The following VPS13B variants were observed in gnomAD, a reference collection of about 807,000 sequenced individuals.
VPS13B encodes the protein vacuolar protein sorting 13 homolog B.
A neutral mutation model predicts 426.4 loss-of-function variants in VPS13B; 285 were observed. The ratio of observed to expected loss-of-function variants is 0.67; its 90% CI spans 0.61 to 0.74. The LOEUF (loss-of-function observed/expected upper bound fraction) is 0.74. Ranked by LOEUF, VPS13B falls within the 30% of genes least tolerant of loss-of-function variation. The pLI is 0.00. For missense variants in VPS13B, 4,537 were observed against 4,782.6 expected (o/e 0.95, Z 1.51); for synonymous variants, 1,676 against 1,676.4 (o/e 1.00, Z 0.01).
intron 31 of VPS13B, among the ~76,000 whole-genome samples, chr8:99,569,015 G>A (rs895590535): frequency 1.1e-4 from 16 of 151,446 alleles, no homozygotes; most frequent in African/African-American, 3.9e-4. Flanking sequence ...GTAGAGACGG[G>A]GTCTCACCAT....
chr8:99,114,145 CT>C (rs35036952), intron 6 of VPS13B, among the ~76,000 whole-genome samples: 9,376 of 146,356 alleles, frequency 0.064, 396 homozygotes, highest in African/African-American at 0.12. Context: ...TTGCAAATAT[CT>C]TTTTTTTTTT....
intron 7 of VPS13B, among the ~76,000 whole-genome samples, chr8:99,117,736 A>G (rs1273896408): frequency 6.6e-6 from 1 of 152,238 alleles, no homozygotes; most frequent in Non-Finnish European, 1.5e-5. Context: ...TGTTCATAAT[A>G]GGCAGTTCTG....
intron 58 of VPS13B, among the ~76,000 whole-genome samples, chr8:99,866,599 CG>C (rs1292586592): frequency 6.6e-6 from 1 of 152,262 alleles, no homozygotes; most frequent in African/African-American, 2.4e-5. Flanking sequence ...CCAGAGAAAA[CG>C]GAAGAGCAGA....
At chr8:99,497,681 T>C (rs1008699959) in intron 25 of VPS13B, among the ~76,000 whole-genome samples, 1 of 152,114 alleles carries the variant, frequency 6.6e-6, no homozygotes, top group Non-Finnish European at 1.5e-5. Context: ...TGACAGAGTT[T>C]GCTGTAGTAG....
At chr8:99,575,584 G>T in intron 31 of VPS13B, 74 bp from the exon 32 acceptor site, 2 of 1,580,062 alleles carry the variant, frequency 1.3e-6, no homozygotes. Context: ...GTAGTACAAA[G>T]ACTTGTACAA....
At chr8:99,842,491 T>C (rs544285266) in intron 54 of VPS13B, among the ~76,000 whole-genome samples, 1 of 151,360 alleles carries the variant, frequency 6.6e-6, no homozygotes, top group African/African-American at 2.4e-5. Flanking sequence ...GGTGCACACC[T>C]CTATTCCCAA....
chr8:99,749,957 C>T (rs980253933), intron 39 of VPS13B, among the ~76,000 whole-genome samples: 2 of 151,976 alleles, frequency 1.3e-5, no homozygotes, highest in African/African-American at 2.4e-5. Context: ...ATGAACAAAA[C>T]GTATTATACA....
At chr8:99,024,333 A>G (rs538454401) in intron 2 of VPS13B, among the ~76,000 whole-genome samples, 1 of 152,346 alleles carries the variant, frequency 6.6e-6, no homozygotes, top group Admixed American at 6.5e-5. Context: ...CTTGTGTATT[A>G]TGGATATTAA....
chr8:99,267,105 A>T (rs190905028), intron 17 of VPS13B, among the ~76,000 whole-genome samples: 3 of 152,208 alleles, frequency 2.0e-5, no homozygotes, highest in African/African-American at 7.2e-5. Flanking sequence ...GGCTCACAGG[A>T]CAGGAAGATC....
At chr8:99,682,599 A>G (rs1831197911) in intron 35 of VPS13B, among the ~76,000 whole-genome samples, 1 of 152,148 alleles carries the variant, frequency 6.6e-6, no homozygotes, top group Admixed American at 6.5e-5. Context: ...CATGTATAAG[A>G]GACTCAGTAC....
At chr8:99,577,688 C>G in intron 33 of VPS13B, 55 bp downstream of exon 33, 2 of 1,600,262 alleles carry the variant, frequency 1.2e-6, no homozygotes, top group Non-Finnish European at 1.7e-6. Flanking sequence ...ACTTTACATT[C>G]ACAGTAGGAA....
At chr8:99,126,569 A>G (rs1848192173) in intron 8 of VPS13B, among the ~76,000 whole-genome samples, 1 of 152,240 alleles carries the variant, frequency 6.6e-6, no homozygotes, top group Admixed American at 6.5e-5. Flanking sequence ...TATTGAAATC[A>G]CCAAGGATTA....
In VPS13B at chr8:99,850,747, G is replaced by A. The variant is rs540799349; in HGVS notation, c.10061+1853G>A. Among the ~76,000 whole-genome samples the A allele has an allele frequency of 3.2e-4, 48 of 152,152 alleles. 1 individual carries two copies. The highest frequency in any genetic ancestry group is 1.2e-3 in the South Asian group (6 of 4,812). ...TTGAGATCAGCCTGGCCAACATGGCGAAACCCTGTCTCTACTAACAGTACA... is the reference window on the plus strand; with the variant it reads ...TTGAGATCAGCCTGGCCAACATGGCAAAACCCTGTCTCTACTAACAGTACA... On this transcript the variant is annotated intron_variant, in intron 55 of 61. Transcript: ENST00000357162.
intron 17 of VPS13B, among the ~76,000 whole-genome samples, chr8:99,245,264 T>C (rs1159470717): frequency 6.6e-6 from 1 of 152,196 alleles, no homozygotes. Context: ...TTACGTTGTT[T>C]TGTGATATTA....
intron 30 of VPS13B, among the ~76,000 whole-genome samples, chr8:99,531,199 A>G (rs1822915989): frequency 6.6e-6 from 1 of 152,202 alleles, no homozygotes; most frequent in Non-Finnish European, 1.5e-5. Flanking sequence ...TGGTCCTTGA[A>G]GGTACTTGAA....
chr8:99,081,650 C>T (rs933227890), intron 3 of VPS13B, among the ~76,000 whole-genome samples: 11 of 144,390 alleles, frequency 7.6e-5, no homozygotes, highest in South Asian at 2.4e-4. Flanking sequence ...TGTGATGTTC[C>T]GCGTCGTATG....
chr8:99,604,232 A>G (rs1827460734), intron 33 of VPS13B, among the ~76,000 whole-genome samples: 1 of 152,188 alleles, frequency 6.6e-6, no homozygotes, highest in Non-Finnish European at 1.5e-5. Context: ...AATGGTATAG[A>G]AAGTTGCCTT....
At chr8:99,644,125 A>G (rs948481026) in intron 34 of VPS13B, among the ~76,000 whole-genome samples, 1 of 152,172 alleles carries the variant, frequency 6.6e-6, no homozygotes, top group African/African-American at 2.4e-5. Context: ...AGGAACAGCT[A>G]TGACCTCTTC....
chr8:99,685,089 C>T (rs1436173945), intron 35 of VPS13B, among the ~76,000 whole-genome samples: 1 of 152,246 alleles, frequency 6.6e-6, no homozygotes, highest in East Asian at 1.9e-4. Context: ...GTATGAGCCA[C>T]CGCGCCTGGC....
Sources: allele counts gnomAD v4.1 joint callset (sites outside exome capture counted in the v4.1 genomes callset), GRCh38; gene constraint gnomAD v4.1.1; transcripts MANE v1.5; gene names NCBI Gene and HGNC (gene_info 2026-07-23, HGNC 2026-07-21).